ART3: variants seen among roughly 807,000 people sequenced by gnomAD.
The protein encoded by ART3 is ADP-ribosyltransferase 3 (inactive).
A neutral mutation model predicts 48.5 loss-of-function variants in ART3; 49 were observed. The ratio of observed to expected loss-of-function variants is 1.01; its 90% CI spans 0.80 to 1.28. ART3 has a LOEUF of 1.28. Among genes scored for constraint, ART3 ranks in the 50% most tolerant of loss-of-function variants. ART3 has a pLI of 0.00. For synonymous variants in ART3, 145 were observed against 157.2 expected, an observed-to-expected ratio of 0.92 and a Z score of 0.58; for missense variants, 438 against 454.3, an observed-to-expected ratio of 0.96 and a Z score of 0.33.
intron 3 of ART3, among the ~76,000 whole-genome samples, chr4:76,082,961 C>T (rs1427023324): frequency 1.3e-5 from 2 of 150,644 alleles, no homozygotes; most frequent in African/African-American, 4.9e-5. Context: ...TTGAGAGACC[C>T]TACTATAAGG....
Position 76,066,924 on chromosome 4 carries a change from CA to C in ART3, c.-9-8956del, listed in dbSNP as rs969770988. On this transcript the variant is annotated intron_variant, in intron 1 of 9. Coordinates refer to the ART3 transcript ENST00000341029. The stretch of plus-strand genomic sequence containing the variant: ...GCAGGCACTTTTAAGCTTGTGAGGG[CA>C]GGGGGGCCTTCCCAGGCCCCCAAGA... Among the ~76,000 whole-genome samples the C allele has an allele frequency of 7.9e-4, 120 of 152,150 alleles. 2 individuals are homozygous for C. The highest frequency in any genetic ancestry group is 1.8e-4 in the Non-Finnish European group (12 of 68,006).
intron 1 of ART3, among the ~76,000 whole-genome samples, chr4:76,059,696 G>A (rs1358785077): frequency 6.6e-6 from 1 of 152,120 alleles, no homozygotes; most frequent in Non-Finnish European, 1.5e-5. Flanking sequence ...CTAAATTAAA[G>A]TAACAAGTGA....
intron 11 of ART3, among the ~76,000 whole-genome samples, chr4:76,111,542 T>C (rs1056409939): frequency 1.2e-4 from 8 of 66,772 alleles, no homozygotes; most frequent in Non-Finnish European, 2.1e-4. Context: ...AAAAATACAG[T>C]TTATTTATTT....
intron 4 of ART3, among the ~76,000 whole-genome samples, chr4:76,097,932 G>A (rs1726381931): frequency 6.6e-6 from 1 of 152,130 alleles, no homozygotes; most frequent in South Asian, 2.1e-4. Flanking sequence ...ATTGGCCTGG[G>A]CATGAAGGGA....
upstream of ART3, among the ~76,000 whole-genome samples, chr4:76,070,822 C>T (rs183422464): frequency 3.2e-4 from 48 of 152,132 alleles, no homozygotes; most frequent in Non-Finnish European, 6.0e-4. Context: ...ATTTTTATTG[C>T]AACCCACTTC....
intron 9 of ART3, 90 bp downstream of exon 9, chr4:76,104,059 A>G (rs1727926351): frequency 7.5e-7 from 1 of 1,329,656 alleles, no homozygotes; most frequent in African/African-American, 1.5e-5. Context: ...TGAGACTATT[A>G]TTCATGAATA....
intron 1 of ART3, among the ~76,000 whole-genome samples, chr4:76,013,463 A>G (rs1731988554): frequency 6.6e-6 from 1 of 152,188 alleles, no homozygotes; most frequent in South Asian, 2.1e-4. Flanking sequence ...CTGTGTATAC[A>G]TCTGCCCCTT....
intron 1 of ART3, among the ~76,000 whole-genome samples, chr4:76,027,959 A>G (rs895950842): frequency 6.6e-6 from 1 of 152,234 alleles, no homozygotes; most frequent in African/African-American, 2.4e-5. Flanking sequence ...CAGTGTATCC[A>G]TTTACAATGA....
intron 1 of ART3, among the ~76,000 whole-genome samples, chr4:76,067,301 T>G (rs1384491990): frequency 6.6e-6 from 1 of 152,208 alleles, no homozygotes; most frequent in Non-Finnish European, 1.5e-5. Context: ...TACAAACCAG[T>G]TTATGATCTT....
At chr4:76,077,569 CTATT>C (rs541050678) in intron 2 of ART3, among the ~76,000 whole-genome samples, 5 of 151,972 alleles carry the variant, frequency 3.3e-5, no homozygotes, top group Non-Finnish European at 4.4e-5. Context: ...ACTACAAACA[CTATT>C]TGGTTATTTG....
intron 1 of ART3, among the ~76,000 whole-genome samples, chr4:76,027,893 CAG>C (rs1452985972): frequency 6.6e-6 from 1 of 151,202 alleles, no homozygotes; most frequent in Non-Finnish European, 1.5e-5. Context: ...AGCATATTCT[CAG>C]AGAGTTAACT....
chr4:76,103,615 A>T (rs1308366409), intron 8 of ART3, among the ~76,000 whole-genome samples: 1 of 152,124 alleles, frequency 6.6e-6, no homozygotes, highest in South Asian at 2.1e-4. Context: ...TATAATTACG[A>T]TAGAGCTAAA....
intron 2 of ART3, among the ~76,000 whole-genome samples, chr4:76,080,990 G>A (rs916836836): frequency 2.0e-5 from 3 of 152,150 alleles, no homozygotes; most frequent in African/African-American, 7.2e-5. Flanking sequence ...GTATAATTTA[G>A]TTGTATGTGG....
chr4:76,083,841 T>C (rs1722989319), intron 3 of ART3, among the ~76,000 whole-genome samples: 1 of 152,068 alleles, frequency 6.6e-6, no homozygotes, highest in Admixed American at 6.6e-5. Context: ...GGGAATATAG[T>C]GTGTGGGGGA....
In ART3 at chr4:76,082,546, GCT is replaced by G; in HGVS notation, c.781+14_781+15del. 6.4e-7 allele frequency: 1 copy of G among 1,550,574 alleles called. No individual in the cohort carries two copies. Among genetic ancestry groups the G allele is most frequent in the African/African-American group, 1.4e-5 (1 of 73,312 alleles). On this transcript the variant is annotated intron_variant, in intron 3 of 11. Coordinates refer to ENST00000355810, the MANE Select transcript of ART3 (RefSeq NM_001130016.3). ...GTGCATTTCTAGGTGGTAAGTGTCT[GCT>G]CTGTCTGTGCTTGGCTGGGAGGGAA...
chr4:76,046,019 A>C (rs7671209), intron 1 of ART3, among the ~76,000 whole-genome samples: 18,566 of 151,998 alleles, frequency 0.12, 1,454 homozygotes, highest in African/African-American at 0.19. Context: ...AAAGTTCAAG[A>C]GATCCAGAGT....
Position 76,100,325 on chromosome 4 carries a change from G to A in ART3, c.877+5G>A. ...ACCAGAAGCTTGAAGACCATAGTAAGACATTTTTATAAATTCTGGGGGCTT... is the reference window on the plus strand; with the variant it reads ...ACCAGAAGCTTGAAGACCATAGTAAAACATTTTTATAAATTCTGGGGGCTT... On this transcript the variant is annotated splice_donor_5th_base_variant and intron_variant, in intron 6 of 11. Coordinates refer to ENST00000355810, the MANE Select transcript of ART3 (RefSeq NM_001130016.3). 6.2e-7 allele frequency: 1 copy of A among 1,612,344 alleles called. No individual in the cohort carries two copies. The highest frequency in any genetic ancestry group is 2.2e-5 in the East Asian group (1 of 44,746).
intron 1 of ART3, among the ~76,000 whole-genome samples, chr4:76,051,884 A>G (rs1470336877): frequency 7.9e-6 from 1 of 126,880 alleles, no homozygotes; most frequent in Non-Finnish European, 1.6e-5. Context: ...TTTATGTTGT[A>G]TCTCTCTCTC....
intron 6 of ART3, 149 bp from the exon 7 acceptor site, chr4:76,100,646 A>G: frequency 3.1e-6 from 3 of 970,068 alleles, no homozygotes; most frequent in Non-Finnish European, 1.5e-6. Flanking sequence ...AAAAAAAAAA[A>G]AATTCTGGGG....
Sources: gnomAD v4.1 joint callset for allele counts (sites outside exome capture counted in the v4.1 genomes callset) on GRCh38, gnomAD v4.1.1 for gene constraint, MANE v1.5 for transcripts, NCBI Gene and HGNC (gene_info 2026-07-23, HGNC 2026-07-21) for gene names.